PTPN2: variants seen among roughly 807,000 people sequenced by gnomAD.
The protein encoded by PTPN2 is protein tyrosine phosphatase non-receptor type 2.
Under a neutral mutation model 57.3 loss-of-function variants are expected in PTPN2, and 19 were observed. The ratio of observed to expected loss-of-function variants is 0.33; its 90% CI spans 0.23 to 0.49. The LOEUF (loss-of-function observed/expected upper bound fraction) is 0.49. Among genes scored for constraint, PTPN2 ranks in the 20% least tolerant of loss-of-function variants. The pLI is 0.99. For missense variants in PTPN2, 358 were observed against 501.1 expected (o/e 0.71, Z 2.73); for synonymous variants, 153 against 164.9 (o/e 0.93, Z 0.55).
At chr18:12,830,576 A>G (rs755613613) in intron 4 of PTPN2, among the ~76,000 whole-genome samples, 5 of 152,220 alleles carry the variant, frequency 3.3e-5, no homozygotes, top group Admixed American at 6.5e-5. Flanking sequence ...AAAAACCAGC[A>G]ATTATGAAAT....
chr18:12,862,201 C>T (rs2043834542), intron 1 of PTPN2: 1 of 151,690 alleles, frequency 6.6e-6, no homozygotes, highest in African/African-American at 2.4e-5. Flanking sequence ...CTCTGTTGCC[C>T]AGGCTGGAGT....
chr18:12,877,973 C>T (rs1004817549), intron 1 of PTPN2, among the ~76,000 whole-genome samples: 8 of 151,678 alleles, frequency 5.3e-5, no homozygotes, highest in Admixed American at 1.3e-4. Context: ...GAGCTTGCAG[C>T]GAGCCGAGAT....
rs182896522 is a variant in PTPN2 at position 12,817,141 on chromosome 18, G to A, written c.705+15C>T. Reference sequence around the variant, plus strand: ...AAATCAATGAGATTAAAATGAGATCGTAAGAAGCACTTACCAAAACAAGAC... The same window carrying A: ...AAATCAATGAGATTAAAATGAGATCATAAGAAGCACTTACCAAAACAAGAC... On this transcript the variant is annotated intron_variant, in intron 6 of 8. Transcript: ENST00000309660. 1.4e-5 allele frequency: 23 copies of A among 1,601,220 alleles called. No individual in the cohort carries two copies. Among genetic ancestry groups the A allele is most frequent in the East Asian group, 1.3e-4 (6 of 44,800 alleles).
At chr18:12,857,689 C>G (rs1427946008) in intron 2 of PTPN2, among the ~76,000 whole-genome samples, 1 of 151,968 alleles carries the variant, frequency 6.6e-6, no homozygotes, top group East Asian at 1.9e-4. Flanking sequence ...CTGCCCACAC[C>G]CGCTATTCCC....
chr18:12,817,227 C>T lies in PTPN2; in HGVS notation c.634G>A (p.Ala212Thr). The T allele has an allele frequency of 6.2e-7, 1 of 1,614,146 alleles. No individual in the cohort carries two copies. The highest frequency in any genetic ancestry group is 1.1e-5 in the South Asian group (1 of 91,080). The change falls in exon 6 of 9, where the codon GCG (alanine) becomes ACG (threonine). Residue 212 changes from alanine to threonine, a missense_variant. Ala to Thr is a moderately conservative substitution (Grantham distance 58, BLOSUM62 0). Around this residue, in one of 4 missense-constraint regions of PTPN2, gnomAD observed 193 missense variants for 315.4 expected, o/e 0.61. Transcript: ENST00000309660. Reference protein sequence around the residue: ...SGSLNPDHGPAVIHCSAGIGR... With the variant: ...SGSLNPDHGPTVIHCSAGIGR... ...ATGCCTGCACTACAGTGGATCACCGCAGGCCCATGGTCAGGGTTCAAGGAG... is the reference window on the plus strand; with the variant it reads ...ATGCCTGCACTACAGTGGATCACCGTAGGCCCATGGTCAGGGTTCAAGGAG...
intron 1 of PTPN2, among the ~76,000 whole-genome samples, chr18:12,864,688 G>A (rs541101952): frequency 9.9e-5 from 15 of 152,116 alleles, no homozygotes; most frequent in African/African-American, 3.4e-4. Context: ...ATAAGCCACC[G>A]CGCCTGGCCT....
intron 3 of PTPN2, among the ~76,000 whole-genome samples, chr18:12,836,341 G>A (rs1209042513): frequency 6.6e-6 from 1 of 152,194 alleles, no homozygotes; most frequent in South Asian, 2.1e-4. Context: ...CTCAGCACCC[G>A]CTCAGGTCCT....
At chr18:12,840,592 T>C (rs1282100781) in intron 2 of PTPN2, 5 of 1,126,004 alleles carry the variant, frequency 4.4e-6, no homozygotes, top group Middle Eastern at 4.1e-4. Flanking sequence ...CACAGCCCTA[T>C]GAAGTGCATA....
At chr18:12,786,820 T>C (rs2040855416) in intron 9 of PTPN2, 1 of 152,244 alleles carries the variant, frequency 6.6e-6, no homozygotes, top group Non-Finnish European at 1.5e-5. Context: ...CTTGGTGTTC[T>C]GAACGTCCTT....
intron 5 of PTPN2, among the ~76,000 whole-genome samples, chr18:12,820,339 A>T (rs2145330836): frequency 6.6e-6 from 1 of 152,288 alleles, no homozygotes; most frequent in Non-Finnish European, 1.5e-5. Context: ...GATTAAAAAA[A>T]CACAGCTTTC....
chr18:12,815,337 G>A (rs920581269), intron 6 of PTPN2, among the ~76,000 whole-genome samples: 1 of 151,476 alleles, frequency 6.6e-6, no homozygotes, highest in African/African-American at 2.4e-5. Context: ...TCTTGAACCC[G>A]GGAGGCGGAG....
intron 1 of PTPN2, 77 bp downstream of exon 1, chr18:12,883,996 G>T (rs1449319260): frequency 2.3e-6 from 3 of 1,320,906 alleles, no homozygotes; most frequent in Non-Finnish European, 3.1e-6. Context: ...CGGGGGAGGC[G>T]GGAGGGACCC....
intron 1 of PTPN2, among the ~76,000 whole-genome samples, chr18:12,861,539 C>T (rs1397529508): frequency 2.6e-5 from 4 of 152,076 alleles, no homozygotes; most frequent in African/African-American, 9.7e-5. Context: ...CATTGCCGTT[C>T]ATGATATTTT....
intron 2 of PTPN2, among the ~76,000 whole-genome samples, chr18:12,845,880 G>A (rs1194395638): frequency 1.3e-5 from 2 of 151,954 alleles, no homozygotes. Context: ...TCATAGTATA[G>A]CCATCGAAAT....
At chr18:12,860,381 G>A (rs777540160) in intron 1 of PTPN2, among the ~76,000 whole-genome samples, 11 of 151,872 alleles carry the variant, frequency 7.2e-5, no homozygotes, top group Admixed American at 3.9e-4. Flanking sequence ...GGTGGATCAC[G>A]AGGTCAGGAG....
chr18:12,841,565 A>G (rs921806191), intron 2 of PTPN2, among the ~76,000 whole-genome samples: 2 of 152,240 alleles, frequency 1.3e-5, no homozygotes, highest in East Asian at 1.9e-4. Context: ...CTTTGCTAAT[A>G]AAGTATACAT....
intron 1 of PTPN2, 180 bp downstream of exon 1, chr18:12,883,893 C>G: frequency 2.5e-6 from 1 of 406,910 alleles, no homozygotes. Flanking sequence ...TTTTTTTAAA[C>G]CAAAAGGAGC....
In PTPN2 at chr18:12,884,224, G is replaced by A. The variant is rs1434725958; in HGVS notation, c.-83C>T. 2.2e-5 allele frequency: 25 copies of A among 1,118,116 alleles called. No individual in the cohort carries two copies. Among genetic ancestry groups the A allele is most frequent in the Admixed American group, 1.6e-4 (4 of 25,216 alleles). 69.3% of individuals were successfully genotyped at this position (1,118,116 alleles called of 1,614,324 possible). ...CGCACGATCCGGGGAGAGCGCTGGC[G>A]CTGCGGCGCATGCGCGCTGCGCGCC... On this transcript the variant is annotated 5_prime_UTR_variant, in exon 1 of 9. Transcript: ENST00000309660.
chr18:12,854,788 AGGAGGAGACACCCTGAAAATAGG>A lies in PTPN2; in HGVS notation c.160+4353_160+4375del, dbSNP rs1228141142. On this transcript the variant is annotated intron_variant, in intron 2 of 8. Coordinates refer to ENST00000309660, the MANE Select transcript of PTPN2 (RefSeq NM_002828.4). ...CTCCTGAAGAAATAAAGGCAAAGTG[AGGAGGAGACACCCTGAAAATAGG>A]GGAGGGGCCAAAGAGGAAAATCAGA... is the stretch of plus-strand genomic sequence containing the variant. Among the ~76,000 whole-genome samples the A allele has an allele frequency of 6.6e-5, 10 of 152,330 alleles. No homozygotes were observed. In the East Asian group the frequency reaches 1.5e-3, roughly 24 times the overall value.
Sources: gnomAD v4.1 joint callset for allele counts (sites outside exome capture counted in the v4.1 genomes callset) on GRCh38, gnomAD v4.1.1 for gene constraint, gnomAD v4.1.1 regional missense constraint, MANE v1.5 for transcripts, NCBI Gene and HGNC (gene_info 2026-07-23, HGNC 2026-07-21) for gene names.